The following SLC30A5 variants were observed in gnomAD, a reference collection of about 807,000 sequenced individuals.
The protein encoded by SLC30A5 is solute carrier family 30 member 5, also known as proton-coupled zinc antiporter SLC30A5.
In SLC30A5, 33 loss-of-function variants were observed where a neutral mutation model predicts 79.6. The observed-to-expected ratio is 0.41, with a 90% CI of 0.31 to 0.55. SLC30A5 has a LOEUF of 0.55. Among genes scored for constraint, SLC30A5 ranks in the 20% least tolerant of loss-of-function variants. The pLI is 0.20. For synonymous variants in SLC30A5, 299 were observed against 319.7 expected (o/e 0.94, Z 0.69); for missense variants, 788 against 928.1 (o/e 0.85, Z 1.96).
Position 69,100,948 on chromosome 5 carries a change from T to G in SLC30A5, c.206+19T>G, listed in dbSNP as rs574152138. The G allele has an allele frequency of 3.5e-4, 456 of 1,285,824 alleles. 8 individuals carry two copies. In the South Asian group the frequency reaches 4.9e-3, roughly 14 times the overall value. 79.7% of individuals were successfully genotyped at this position (1,285,824 alleles called of 1,614,324 possible). On this transcript the variant is annotated intron_variant, in intron 2 of 15. Transcript: ENST00000396591. ...AACTTGGGTGAGTGTGGGGGGGGGT[T>G]TTTTCTTGATATTTTTTATTTCTTT...
At chr5:69,119,624 A>G (rs1222076241) in intron 12 of SLC30A5, among the ~76,000 whole-genome samples, 2 of 152,214 alleles carry the variant, frequency 1.3e-5, no homozygotes, top group African/African-American at 4.8e-5. Flanking sequence ...AAATGTTTCT[A>G]TAATACAGTT....
intron 7 of SLC30A5, among the ~76,000 whole-genome samples, chr5:69,114,842 G>C (rs541478631): frequency 6.6e-6 from 1 of 152,218 alleles, no homozygotes; most frequent in African/African-American, 2.4e-5. Flanking sequence ...TCCAGCCTGG[G>C]CAACAAAAGC....
chr5:69,094,829 C>T (rs532285857), intron 1 of SLC30A5, among the ~76,000 whole-genome samples: 17 of 152,020 alleles, frequency 1.1e-4, no homozygotes, highest in African/African-American at 4.1e-4. Flanking sequence ...GGTCCAGCCC[C>T]GTTTTCTTTT....
intron 5 of SLC30A5, 51 bp downstream of exon 5, chr5:69,108,487 A>C: frequency 7.9e-7 from 1 of 1,260,726 alleles, no homozygotes. Context: ...TGTATGTCAC[A>C]TATTATCCAA....
intron 11 of SLC30A5, 79 bp from the exon 12 acceptor site, chr5:69,118,420 C>T: frequency 8.1e-7 from 1 of 1,239,644 alleles, no homozygotes; most frequent in Non-Finnish European, 1.1e-6. Flanking sequence ...AAAATTTGGA[C>T]TTGTTTCCTC....
chr5:69,129,216 G>A (rs1462130359), intron 15 of SLC30A5, among the ~76,000 whole-genome samples: 2 of 151,970 alleles, frequency 1.3e-5, no homozygotes, highest in South Asian at 2.1e-4. Flanking sequence ...CTCGCATTAC[G>A]CTTACCAGTT....
At chr5:69,120,948 A>C (rs1281774765) in intron 12 of SLC30A5, among the ~76,000 whole-genome samples, 2 of 152,186 alleles carry the variant, frequency 1.3e-5, no homozygotes, top group Non-Finnish European at 2.9e-5. Context: ...TATCCTTTGG[A>C]GTATTATTGT....
In SLC30A5 at chr5:69,129,642, G is replaced by C; in HGVS notation, c.*25G>C. The stretch of plus-strand genomic sequence containing the variant: ...AGATAACTCAAGAATTACCCCTGGA[G>C]AATAAACAATGAAGATTAAATGACT... On this transcript the variant is annotated 3_prime_UTR_variant, in exon 16 of 16. Transcript: ENST00000396591. 1 of 1,574,650 alleles carries C rather than the reference G, an allele frequency of 6.4e-7. No individual in the cohort carries two copies.
At chr5:69,107,064 A>ATCAAAACCAGCC (rs1746099433) in intron 4 of SLC30A5, among the ~76,000 whole-genome samples, 1 of 152,050 alleles carries the variant, frequency 6.6e-6, no homozygotes, top group South Asian at 2.1e-4. Context: ...AGGTTTTGCC[A>ATCAAAACCAGCC]TGTGGCCCAG....
chr5:69,104,378 GTGATC>G, intron 3 of SLC30A5: 1 of 893,406 alleles, frequency 1.1e-6, no homozygotes, highest in Non-Finnish European at 1.5e-6. Flanking sequence ...CTGACCTCAG[GTGATC>G]TGCCTGCCTC....
intron 14 of SLC30A5, among the ~76,000 whole-genome samples, chr5:69,125,898 T>TAAAAAAAAAAAAAAAAAAAAAA (rs1167851324): frequency 2.0e-5 from 2 of 102,512 alleles, no homozygotes. Context: ...AAAAAAAAAT[T>TAAAAAAAAAAAAAAAAAAAAAA]AGCTGGGTGT....
chr5:69,103,879 A>T, intron 3 of SLC30A5: 2 of 1,050,984 alleles, frequency 1.9e-6, no homozygotes, highest in Non-Finnish European at 2.7e-6. Flanking sequence ...GAATTTAAGT[A>T]CTTCTGTTTC....
chr5:69,120,782 G>A (rs1561297230), intron 12 of SLC30A5, among the ~76,000 whole-genome samples: 1 of 152,088 alleles, frequency 6.6e-6, no homozygotes, highest in Non-Finnish European at 1.5e-5. Flanking sequence ...CTTTTGAAAA[G>A]TAATTAAAAG....
At chr5:69,101,770 A>G (rs1170668255) in intron 2 of SLC30A5, among the ~76,000 whole-genome samples, 3 of 150,646 alleles carry the variant, frequency 2.0e-5, no homozygotes, top group African/African-American at 7.3e-5. Context: ...CAGCCTGGCC[A>G]ACATGTCGAA....
At chr5:69,102,596 A>T (rs1745958985) in intron 2 of SLC30A5, 1 of 152,192 alleles carries the variant, frequency 6.6e-6, no homozygotes, top group Non-Finnish European at 1.5e-5. Context: ...GTGATAGCTC[A>T]TGCCTGTTTT....
At position 69,106,128 on chromosome 5, in the gene SLC30A5, A is replaced by G. The variant is rs533148903; in HGVS notation, c.359+1412A>G. 4.6e-5 allele frequency among the ~76,000 whole-genome samples: 7 copies of G among 152,264 alleles called. No homozygotes were observed. In the South Asian group the frequency reaches 1.5e-3, roughly 32 times the overall value. ...AGTCCTTTCCCCTCTCATGGCCAAT[A>G]GAATAGCTTCTGGATTGGGATCCCT... On this transcript the variant is annotated intron_variant, in intron 4 of 15. Transcript: ENST00000396591.
At chr5:69,124,232 CA>C (rs752521696) in intron 14 of SLC30A5, among the ~76,000 whole-genome samples, 1,626 of 101,582 alleles carry the variant, frequency 0.016, 10 homozygotes, top group Non-Finnish European at 0.022. Flanking sequence ...CTGGACAGCA[CA>C]AAAAAAAAAA....
intron 13 of SLC30A5, among the ~76,000 whole-genome samples, chr5:69,122,873 T>A (rs164573): frequency 0.68 from 103,712 of 151,948 alleles, 35,973 homozygotes; most frequent in East Asian, 0.87. Flanking sequence ...ATCATTTATT[T>A]TGCTGAATTG....
intron 1 of SLC30A5, among the ~76,000 whole-genome samples, chr5:69,098,454 G>A (rs1283282345): frequency 3.3e-5 from 5 of 151,302 alleles, no homozygotes; most frequent in African/African-American, 9.7e-5. Flanking sequence ...TGAACCCGGG[G>A]GTTCAATCAA....
Sources: gnomAD v4.1 joint callset for allele counts (sites outside exome capture counted in the v4.1 genomes callset) on GRCh38, gnomAD v4.1.1 for gene constraint, MANE v1.5 for transcripts, NCBI Gene and HGNC (gene_info 2026-07-23, HGNC 2026-07-21) for gene names.